The following SEMA3E variants were observed in gnomAD, a reference collection of about 807,000 sequenced individuals.
The protein encoded by SEMA3E is semaphorin-3E.
SEMA3E carries 49 observed loss-of-function variants against 93.6 expected under a neutral mutation model. The ratio of observed to expected loss-of-function variants is 0.52; its 90% CI spans 0.42 to 0.66. The LOEUF (loss-of-function observed/expected upper bound fraction) is 0.66. SEMA3E is among the 30% of genes least tolerant of loss of function. The pLI is 0.00. For missense variants in SEMA3E, 906 were observed against 964.8 expected, an observed-to-expected ratio of 0.94 and a Z score of 0.81; for synonymous variants, 363 against 330.7, an observed-to-expected ratio of 1.10 and a Z score of -1.06.
At chr7:83,486,149 C>T (rs1790247948) in intron 2 of SEMA3E, among the ~76,000 whole-genome samples, 1 of 152,046 alleles carries the variant, frequency 6.6e-6, no homozygotes, top group African/African-American at 2.4e-5. Flanking sequence ...TTCAGAGTAG[C>T]TGGGACTACA....
Position 83,593,284 on chromosome 7 carries a change from C to CTCTGTG in SEMA3E, c.115+55143_115+55144insCACAGA, listed in dbSNP as rs1324576607. ...TGTCTCTCTCTCTCTCTCTCTCTCT[C>CTCTGTG]TGTGTGTGTGTGTGTGTGTGTGTGT... On this transcript the variant is annotated intron_variant, in intron 1 of 16. Coordinates refer to ENST00000643230, the MANE Select transcript of SEMA3E (RefSeq NM_012431.3). Among the ~76,000 whole-genome samples, 94 of 116,728 alleles carry CTCTGTG rather than the reference C, an allele frequency of 8.1e-4. 2 individuals are homozygous for CTCTGTG. In the East Asian group the frequency reaches 0.013, roughly 17 times the overall value. 76.6% of individuals were successfully genotyped at this position (116,728 alleles called of 152,430 possible).
chr7:83,626,956 G>A (rs890244323), intron 1 of SEMA3E, among the ~76,000 whole-genome samples: 24 of 151,964 alleles, frequency 1.6e-4, no homozygotes, highest in South Asian at 6.2e-4. Flanking sequence ...CCTTAATTTC[G>A]TTATTTACCC....
chr7:83,496,605 T>A (rs1299744306), intron 1 of SEMA3E, among the ~76,000 whole-genome samples: 1 of 152,008 alleles, frequency 6.6e-6, no homozygotes, highest in African/African-American at 2.4e-5. Context: ...TGCTATGGAG[T>A]TTCAAAATGT....
intron 1 of SEMA3E, among the ~76,000 whole-genome samples, chr7:83,641,127 C>T (rs1794001671): frequency 6.6e-6 from 1 of 152,190 alleles, no homozygotes. Context: ...AGCCTTTTCT[C>T]TAACATATGT....
intron 1 of SEMA3E, among the ~76,000 whole-genome samples, chr7:83,526,079 G>T (rs1038066462): frequency 6.6e-6 from 1 of 151,938 alleles, no homozygotes; most frequent in African/African-American, 2.4e-5. Context: ...GGAAAAGAAG[G>T]CTAGGTGGCT....
intron 1 of SEMA3E, among the ~76,000 whole-genome samples, chr7:83,496,029 GAGC>G: frequency 6.6e-6 from 1 of 151,966 alleles, no homozygotes; most frequent in Non-Finnish European, 1.5e-5. Flanking sequence ...AATATTTATT[GAGC>G]AGTTACATGG....
At chr7:83,388,883 A>G (rs1292846171) in intron 14 of SEMA3E, among the ~76,000 whole-genome samples, 2 of 150,722 alleles carry the variant, frequency 1.3e-5, no homozygotes, top group Non-Finnish European at 2.9e-5. Flanking sequence ...TCAAGAGATC[A>G]AGTGCTTTCT....
chr7:83,391,595 A>G (rs1478925876), intron 14 of SEMA3E, among the ~76,000 whole-genome samples: 1 of 99,116 alleles, frequency 1.0e-5, no homozygotes, highest in Non-Finnish European at 2.6e-5. Context: ...TCCACTTATT[A>G]TATCATTTTT....
In SEMA3E at chr7:83,364,386, G is replaced by GA. The variant is rs1794635754; in HGVS notation, c.*3199dup. The GA allele has an allele frequency of 1.3e-5, 2 of 152,102 alleles. No individual in the cohort carries two copies. The highest frequency in any genetic ancestry group is 2.9e-5 in the Non-Finnish European group (2 of 68,020). 9.4% of individuals were successfully genotyped at this position (152,102 alleles called of 1,614,324 possible). On this transcript the variant is annotated 3_prime_UTR_variant, in exon 17 of 17. Transcript: ENST00000643230. ...CTAAGTATTTAACTAATTTTAGATAGAAAAAACTCTAAAATATGTATGGAA... is the reference window on the plus strand; with the variant it reads ...CTAAGTATTTAACTAATTTTAGATAGAAAAAAACTCTAAAATATGTATGGAA...
intron 4 of SEMA3E, among the ~76,000 whole-genome samples, chr7:83,450,663 C>T (rs535814034): frequency 6.6e-6 from 1 of 151,860 alleles, no homozygotes; most frequent in East Asian, 1.9e-4. Context: ...CTAGATGCTG[C>T]TTAAATTGAT....
chr7:83,526,769 G>C (rs111961819), intron 1 of SEMA3E, among the ~76,000 whole-genome samples: 1 of 152,154 alleles, frequency 6.6e-6, no homozygotes, highest in Admixed American at 6.6e-5. Context: ...AGGAATAGGA[G>C]AATATTTTTA....
At chr7:83,530,795 T>C (rs1035203444) in intron 1 of SEMA3E, among the ~76,000 whole-genome samples, 1 of 152,134 alleles carries the variant, frequency 6.6e-6, no homozygotes, top group Middle Eastern at 3.4e-3. Flanking sequence ...GGAGAATCAC[T>C]TGAACCCGGG....
intron 5 of SEMA3E, among the ~76,000 whole-genome samples, chr7:83,416,221 G>C (rs1345299609): frequency 2.0e-5 from 3 of 152,010 alleles, no homozygotes; most frequent in Non-Finnish European, 4.4e-5. Context: ...TCTCTTTGGA[G>C]GGATTATTCT....
At position 83,625,336 on chromosome 7, in the gene SEMA3E, T is replaced by C. The variant is rs141172358; in HGVS notation, c.115+23092A>G. On this transcript the variant is annotated intron_variant, in intron 1 of 16. Coordinates refer to ENST00000643230, the MANE Select transcript of SEMA3E (RefSeq NM_012431.3). ...GCACAGTATGGCCATTATCATGATA[T>C]TGATTCCTCCTATCCATGAGCATGG... Among the ~76,000 whole-genome samples the C allele has an allele frequency of 2.7e-3, 407 of 152,330 alleles. 3 individuals carry two copies. The highest frequency in any genetic ancestry group is 9.3e-3 in the African/African-American group (385 of 41,578).
intron 9 of SEMA3E, among the ~76,000 whole-genome samples, 200 bp from the exon 10 acceptor site, chr7:83,402,976 C>T (rs540072503): frequency 6.6e-6 from 1 of 151,822 alleles, no homozygotes; most frequent in African/African-American, 2.4e-5. Flanking sequence ...TTCTTAACTG[C>T]CTACTTAATA....
chr7:83,494,827 A>G (rs1790456085), intron 1 of SEMA3E, among the ~76,000 whole-genome samples: 1 of 151,972 alleles, frequency 6.6e-6, no homozygotes, highest in African/African-American at 2.4e-5. Context: ...GCATTTCCCA[A>G]TTCAAATTCT....
chr7:83,629,354 C>T (rs2115665695), intron 1 of SEMA3E, among the ~76,000 whole-genome samples: 1 of 152,316 alleles, frequency 6.6e-6, no homozygotes, highest in East Asian at 1.9e-4. Flanking sequence ...AGAGCCACTG[C>T]TCTCTTCAGA....
chr7:83,411,352 A>T (rs1375338596), intron 5 of SEMA3E, among the ~76,000 whole-genome samples: 1 of 152,112 alleles, frequency 6.6e-6, no homozygotes, highest in African/African-American at 2.4e-5. Flanking sequence ...AATTTCAAAG[A>T]CACTATATAG....
chr7:83,564,680 G>GT (rs931074717), intron 1 of SEMA3E, among the ~76,000 whole-genome samples: 1 of 151,900 alleles, frequency 6.6e-6, no homozygotes, highest in African/African-American at 2.4e-5. Flanking sequence ...AAACTTATCT[G>GT]TTTTTTTAAC....
Sources: gnomAD v4.1 joint callset for allele counts (sites outside exome capture counted in the v4.1 genomes callset) on GRCh38, gnomAD v4.1.1 for gene constraint, MANE v1.5 for transcripts, NCBI Gene and HGNC (gene_info 2026-07-23, HGNC 2026-07-21) for gene names.